Variants in WIZ observed in about 807,000 individuals in gnomAD.
The protein encoded by WIZ is protein Wiz.
WIZ carries 25 observed loss-of-function variants against 140.2 expected under a neutral mutation model. The ratio of observed to expected loss-of-function variants is 0.18; its 90% confidence interval spans 0.13 to 0.25. WIZ has a LOEUF of 0.25. Ranked by LOEUF, WIZ falls within the 10% of genes least tolerant of loss-of-function variation. The probability of loss-of-function intolerance (pLI) is 1.00; values close to 1 mark genes in which losing one functional copy is unlikely to be tolerated. For synonymous variants in WIZ, 1,125 were observed against 1,154.3 expected, an observed-to-expected ratio of 0.97 and a Z score of 0.51; for missense variants, 2,231 against 2,632.6, an observed-to-expected ratio of 0.85 and a Z score of 3.34.
intron 7 of WIZ, 110 bp downstream of exon 7, chr19:15,429,476 T>TCCCCCCCCC: frequency 9.3e-7 from 1 of 1,071,038 alleles, no homozygotes; most frequent in Non-Finnish European, 1.2e-6. Flanking sequence ...GGAGCTGTAG[T>TCCCCCCCCC]CCCCACCGCC....
At position 15,436,930 on chromosome 19, in the gene WIZ, G is replaced by A. The variant is rs1030589680; in HGVS notation, c.2616C>T (p.Ser872=). The change falls in exon 5 of 13, where the codon AGC becomes AGT. Residue 872 remains serine (S), a synonymous_variant. Coordinates refer to ENST00000673675, the MANE Select transcript of WIZ (RefSeq NM_001371589.1). The part of the protein sequence containing the change: ...LATSAAEQPP[S]PLGREPGGPP... The stretch of plus-strand genomic sequence containing the variant: ...GACCCCCAGGCTCTCGGCCCAGGGG[G>A]CTGGGGGGCTGCTCAGCAGCAGAGG... 1 of 1,613,414 alleles carries A rather than the reference G, an allele frequency of 6.2e-7. No individual in the cohort carries two copies. Among genetic ancestry groups the A allele is most frequent in the African/African-American group, 1.3e-5 (1 of 74,930 alleles).
intron 5 of WIZ, among the ~76,000 whole-genome samples, chr19:15,431,676 G>A (rs1969249458): frequency 6.6e-6 from 1 of 152,202 alleles, no homozygotes. Flanking sequence ...AAGACAGCTG[G>A]GGCTGCAGAG....
chr19:15,446,820 A>G (rs1175138024), intron 2 of WIZ, among the ~76,000 whole-genome samples: 1 of 152,236 alleles, frequency 6.6e-6, no homozygotes, highest in Non-Finnish European at 1.5e-5. Context: ...GGGGTCTATG[A>G]GAGCGAGGAT....
At position 15,422,891 on chromosome 19, in the gene WIZ, G is replaced by A. The variant is rs1358433746; in HGVS notation, c.*185C>T. The A allele has an allele frequency of 1.4e-5, 12 of 835,708 alleles. No individual in the cohort carries two copies. The highest frequency in any genetic ancestry group is 2.2e-5 in the Non-Finnish European group (12 of 556,224). 51.8% of individuals were successfully genotyped at this position (835,708 alleles called of 1,614,324 possible). A position where few individuals can be genotyped will look rare whatever the true frequency, so the allele number is the denominator to read the frequency against. ...CTGTGGCCCCAGAGTCCTCGGGCTGGGGGAAGGGCAGCTAGCTGGCTCCCG... is the reference window on the plus strand; with the variant it reads ...CTGTGGCCCCAGAGTCCTCGGGCTGAGGGAAGGGCAGCTAGCTGGCTCCCG... On this transcript the variant is annotated 3_prime_UTR_variant, in exon 13 of 13. Coordinates refer to ENST00000673675, the MANE Select transcript of WIZ (RefSeq NM_001371589.1).
At chr19:15,434,881 C>T (rs904490028) in intron 5 of WIZ, among the ~76,000 whole-genome samples, 4 of 152,218 alleles carry the variant, frequency 2.6e-5, no homozygotes, top group African/African-American at 7.2e-5. Context: ...AGAAGTCTAG[C>T]TCTACAGCTG....
In WIZ at chr19:15,440,492, G is replaced by C. The variant is rs983292826; in HGVS notation, c.502C>G (p.Arg168Gly). ...LEGSRRFLHH[R>G]GEPRLLEKHA... The stretch of plus-strand genomic sequence containing the variant: ...TTCTCCAAAAGCCTTGGTTCCCCCC[G>C]GTGGTGTAAGAACCTTCTAGAGCCC... The change falls in exon 4 of 13, where the codon CGG (arginine) becomes GGG (glycine). Residue 168 changes from arginine (R) to glycine (G), a missense_variant. Arg to Gly is a moderately radical substitution (Grantham distance 125). Coordinates refer to ENST00000673675, the MANE Select transcript of WIZ (RefSeq NM_001371589.1). The surrounding 1 kb of genome is among the most constrained non-coding windows in gnomAD (Gnocchi z 6.2). 7.8e-6 allele frequency: 12 copies of C among 1,536,116 alleles called. No individual in the cohort carries two copies. The highest frequency in any genetic ancestry group is 2.4e-5 in the South Asian group (2 of 84,058).
intron 4 of WIZ, 140 bp downstream of exon 4, chr19:15,438,438 G>A (rs986637911): frequency 1.1e-6 from 1 of 939,344 alleles, no homozygotes; most frequent in African/African-American, 1.7e-5. Flanking sequence ...CCGACCAGGT[G>A]GCCTTCACTG....
rs1969772990 is a variant in WIZ, at chr19:15,442,271, T to C, written c.278+405A>G. On this transcript the variant is annotated intron_variant, in intron 3 of 12. Coordinates refer to ENST00000673675, the MANE Select transcript of WIZ (RefSeq NM_001371589.1). This position sits in a 1 kb window ranked among gnomAD's most constrained non-coding sequence, Gnocchi z 5.5. ...TAGGGACCATCAGCATTGCTCTTGA[T>C]TCCTGCTCTCACCCAATGCCCCTTG... is the stretch of plus-strand genomic sequence containing the variant. 6.6e-6 allele frequency among the ~76,000 whole-genome samples: 1 copy of C among 152,202 alleles called. No homozygotes were observed. Among genetic ancestry groups the C allele is most frequent in the African/African-American group, 2.4e-5 (1 of 41,448 alleles).
rs1165690673 is a variant in WIZ at position 15,447,928 on chromosome 19, A to C, written c.205+175T>G. On this transcript the variant is annotated intron_variant, in intron 2 of 12. Coordinates refer to ENST00000673675, the MANE Select transcript of WIZ (RefSeq NM_001371589.1). ...TGGTCTGGTCACTGGCTCCCAGGAC[A>C]CCTGTTTTCACAACTGTCAAATAAG... Among the ~76,000 whole-genome samples, 45 of 152,112 alleles carry C rather than the reference A, an allele frequency of 3.0e-4. 1 individual carries two copies. The highest frequency in any genetic ancestry group is 2.9e-3 in the Admixed American group (44 of 15,270).
At position 15,427,009 on chromosome 19, in the gene WIZ, G is replaced by C. The variant is rs745387647; in HGVS notation, c.4339C>G (p.Arg1447Gly). 4 of 1,613,660 alleles carry C rather than the reference G, an allele frequency of 2.5e-6. No homozygotes were observed. The highest frequency in any genetic ancestry group is 1.7e-4 in the Middle Eastern group (1 of 6,036). Residue 1447 changes from arginine (R) to glycine (G), a missense_variant, in exon 9 of 13, where the codon CGG becomes GGG. By Grantham distance (125) the Arg-to-Gly change is moderately radical. Coordinates refer to ENST00000673675, the MANE Select transcript of WIZ (RefSeq NM_001371589.1). The surrounding 1 kb of genome is among the most constrained non-coding windows in gnomAD (Gnocchi z 6.4). Reference sequence around the variant, plus strand: ...AGGTTCAGGGGTGTCATGTCTTCCCGTGGTGCCCCCCAGGGACCCTCAGAT... The same window carrying C: ...AGGTTCAGGGGTGTCATGTCTTCCCCTGGTGCCCCCCAGGGACCCTCAGAT... The part of the protein sequence containing the change: ...HPSEGPWGAP[R>G]EDMTPLNLSS...
chr19:15,439,861 C>T lies in WIZ; in HGVS notation c.1133G>A (p.Arg378Gln), dbSNP rs765294195. 5 of 1,528,744 alleles carry T rather than the reference C, an allele frequency of 3.3e-6. No homozygotes were observed. The highest frequency in any genetic ancestry group is 2.5e-5 in the East Asian group (1 of 40,782). 94.7% of individuals were successfully genotyped at this position (1,528,744 alleles called of 1,614,324 possible). ...TTGGATCTCCTCAATGATCTTCTCCCGGGAGGCCTGATGCAGCTGCCGGTG... is the reference window on the plus strand; with the variant it reads ...TTGGATCTCCTCAATGATCTTCTCCTGGGAGGCCTGATGCAGCTGCCGGTG... ...EQHRQLHQAS[R>Q]EKIIEEIQKL... Residue 378 changes from arginine (R) to glutamine (Q), a missense_variant, in exon 4 of 13, where the codon CGG (arginine) becomes CAG (glutamine). Arg to Gln is a conservative substitution (Grantham distance 43, BLOSUM62 1). Coordinates refer to ENST00000673675, the MANE Select transcript of WIZ (RefSeq NM_001371589.1). This position sits in a 1 kb window ranked among gnomAD's most constrained non-coding sequence, Gnocchi z 7.0.
At chr19:15,441,633 T>TC (rs1969749109) in intron 3 of WIZ, among the ~76,000 whole-genome samples, 1 of 152,136 alleles carries the variant, frequency 6.6e-6, no homozygotes. Flanking sequence ...CTTTTCAAGA[T>TC]CCTGCCTCCA....
chr19:15,425,048 G>A lies in WIZ; in HGVS notation c.4895-16C>T, dbSNP rs1447382398. On this transcript the variant is annotated splice_polypyrimidine_tract_variant and intron_variant, in intron 10 of 12. Transcript: ENST00000673675. The stretch of plus-strand genomic sequence containing the variant: ...GCCTCGGTGGCTGCGGGGCGGAGGG[G>A]GTGCTGCTGAGTCACAGCCCAAAGG... 1.6e-5 allele frequency: 25 copies of A among 1,552,520 alleles called. No homozygotes were observed. Among genetic ancestry groups the A allele is most frequent in the Non-Finnish European group, 2.0e-5 (23 of 1,153,054 alleles).
Position 15,440,140 on chromosome 19 carries a change from C to G in WIZ, c.854G>C (p.Arg285Pro). 1 of 1,532,682 alleles carries G rather than the reference C, an allele frequency of 6.5e-7. No individual in the cohort carries two copies. The highest frequency in any genetic ancestry group is 2.4e-5 in the East Asian group (1 of 40,878). 94.9% of individuals were successfully genotyped at this position (1,532,682 alleles called of 1,614,324 possible). ...ERLQPLLPPI[R>P]TGPYLCELLE... Reference sequence around the variant, plus strand: ...CAGCTCACACAGGTAGGGCCCGGTCCGGATCGGGGGCAGTAGCGGCTGCAG... The same window carrying G: ...CAGCTCACACAGGTAGGGCCCGGTCGGGATCGGGGGCAGTAGCGGCTGCAG... Residue 285 changes from arginine to proline, a missense_variant, in exon 4 of 13, where the codon CGG (arginine) becomes CCG (proline). Physicochemically the swap from Arg to Pro is moderately radical, Grantham distance 103 (BLOSUM62 -2). Around this residue, in one of 15 missense-constraint regions of WIZ, gnomAD observed 307 missense variants for 294.1 expected, o/e 1.04. Coordinates refer to ENST00000673675, the MANE Select transcript of WIZ (RefSeq NM_001371589.1). This position sits in a 1 kb window ranked among gnomAD's most constrained non-coding sequence, Gnocchi z 6.2.
intron 5 of WIZ, 66 bp downstream of exon 5, chr19:15,436,740 G>A (rs564892887): frequency 1.1e-4 from 150 of 1,426,328 alleles, no homozygotes; most frequent in Middle Eastern, 6.9e-4. Context: ...CTCCAGCCCC[G>A]CCCCTCCAAT....
rs564768949 is a variant in WIZ at position 15,444,128 on chromosome 19, C to G, written c.206-1380G>C. Among the ~76,000 whole-genome samples the G allele has an allele frequency of 7.9e-5, 12 of 152,288 alleles. No homozygotes were observed. The South Asian group carries it at 1.2e-3, about 16-fold the overall frequency. Reference sequence around the variant, plus strand: ...ACAGATGCAATTGTTGGATTAGCCTCAATTTGAGGATGGTCCAGAAAAAGG... The same window carrying G: ...ACAGATGCAATTGTTGGATTAGCCTGAATTTGAGGATGGTCCAGAAAAAGG... On this transcript the variant is annotated intron_variant, in intron 2 of 12. Coordinates refer to ENST00000673675, the MANE Select transcript of WIZ (RefSeq NM_001371589.1).
Position 15,428,208 on chromosome 19 carries a change from G to T in WIZ, c.3716C>A (p.Ala1239Glu), listed in dbSNP as rs554651527. 1.7e-4 allele frequency: 268 copies of T among 1,533,632 alleles called. 5 individuals carry two copies. In the South Asian group the frequency reaches 3.0e-3, roughly 17 times the overall value. Residue 1239 changes from alanine (A) to glutamate (E), a missense_variant, in exon 8 of 13, where the codon GCG (alanine) becomes GAG (glutamate). Around this residue, in one of 15 missense-constraint regions of WIZ, gnomAD observed 141 missense variants for 161.2 expected, o/e 0.87. Coordinates refer to ENST00000673675, the MANE Select transcript of WIZ (RefSeq NM_001371589.1). This position sits in a 1 kb window ranked among gnomAD's most constrained non-coding sequence, Gnocchi z 6.4. Reference sequence around the variant, plus strand: ...CTTCCCCCAGGGGCTGGCCATACCCGCGGCCTTCAGCTTGGCCTTCTTGGC... The same window carrying T: ...CTTCCCCCAGGGGCTGGCCATACCCTCGGCCTTCAGCTTGGCCTTCTTGGC... ...PPAKKAKLKA[A>E]GMASPWGKQD...
chr19:15,424,403 A>T lies in WIZ; in HGVS notation c.5315-25T>A. ...TCTAAGGTGGAGAGGGGGACGGGAG[A>T]TGAGTGGGAGGGGTGGATGCTGCAG... On this transcript the variant is annotated intron_variant, in intron 11 of 12. Coordinates refer to ENST00000673675, the MANE Select transcript of WIZ (RefSeq NM_001371589.1). This position sits in a 1 kb window ranked among gnomAD's most constrained non-coding sequence, Gnocchi z 9.7. The T allele has an allele frequency of 6.3e-7, 1 of 1,594,372 alleles. No homozygotes were observed. Among genetic ancestry groups the T allele is most frequent in the Non-Finnish European group, 8.5e-7 (1 of 1,174,218 alleles).
chr19:15,429,370 G>C (rs1323806223), intron 7 of WIZ, among the ~76,000 whole-genome samples: 1 of 152,218 alleles, frequency 6.6e-6, no homozygotes. Context: ...GGGAAGATCA[G>C]CAAAGTAAAG....
Sources: gnomAD v4.1 joint callset for allele counts (sites outside exome capture counted in the v4.1 genomes callset) on GRCh38, gnomAD v4.1.1 for gene constraint, gnomAD v4.1.1 regional missense constraint, Gnocchi (gnomAD v3.1) non-coding constraint, MANE v1.5 for transcripts, NCBI Gene and HGNC (gene_info 2026-07-23, HGNC 2026-07-21) for gene names.